Variants in GRM7 observed in about 807,000 individuals in gnomAD.
GRM7 encodes the protein glutamate metabotropic receptor 7, also known as metabotropic glutamate receptor 7.
A neutral mutation model predicts 84.5 loss-of-function variants in GRM7; 35 were observed. That is an observed-to-expected ratio of 0.41 (90% CI 0.32 to 0.55). The LOEUF is 0.55. Ranked by LOEUF, GRM7 falls within the 20% of genes least tolerant of loss-of-function variation. GRM7 has a pLI of 0.19. For synonymous variants in GRM7, 487 were observed against 455.1 expected, an observed-to-expected ratio of 1.07 and a Z score of -0.89; for missense variants, 1,003 against 1,194.6, an observed-to-expected ratio of 0.84 and a Z score of 2.36.
At chr3:7,255,314 C>T (rs1698155037) in intron 2 of GRM7, among the ~76,000 whole-genome samples, 1 of 152,180 alleles carries the variant, frequency 6.6e-6, no homozygotes, top group Non-Finnish European at 1.5e-5. Context: ...TTTTAAATCT[C>T]ATCTTGACTA....
chr3:7,487,624 T>G (rs759764323), intron 7 of GRM7, among the ~76,000 whole-genome samples: 18 of 152,334 alleles, frequency 1.2e-4, no homozygotes, highest in Non-Finnish European at 1.9e-4. Context: ...AGTGTAGGCC[T>G]TGTTGCCATT....
intron 8 of GRM7, among the ~76,000 whole-genome samples, chr3:7,675,415 G>A (rs1228302508): frequency 6.6e-6 from 1 of 152,234 alleles, no homozygotes; most frequent in African/African-American, 2.4e-5. Context: ...TGAGCACTAT[G>A]TAACAAGTTT....
At chr3:7,672,809 G>A (rs963453944) in intron 8 of GRM7, among the ~76,000 whole-genome samples, 22 of 151,724 alleles carry the variant, frequency 1.5e-4, no homozygotes, top group African/African-American at 1.7e-4. Flanking sequence ...GGGTTTCACC[G>A]TGGTCTCGAT....
intron 4 of GRM7, among the ~76,000 whole-genome samples, chr3:7,336,946 A>G (rs1374306223): frequency 1.3e-5 from 2 of 152,150 alleles, no homozygotes; most frequent in Non-Finnish European, 2.9e-5. Flanking sequence ...GGTAGAATCA[A>G]TATTGTGAAA....
intron 7 of GRM7, among the ~76,000 whole-genome samples, chr3:7,479,805 T>C (rs1699061903): frequency 6.6e-6 from 1 of 152,164 alleles, no homozygotes; most frequent in African/African-American, 2.4e-5. Flanking sequence ...TTTGTCTGGC[T>C]CTGTAGTTCA....
chr3:6,958,305 A>G (rs1404737908), intron 1 of GRM7, among the ~76,000 whole-genome samples: 5 of 150,728 alleles, frequency 3.3e-5, no homozygotes, highest in Admixed American at 1.3e-4. Flanking sequence ...CATCTGTGCT[A>G]TTTTGTGTTA....
At chr3:7,513,965 AC>A (rs1234126670) in intron 7 of GRM7, among the ~76,000 whole-genome samples, 2 of 152,222 alleles carry the variant, frequency 1.3e-5, no homozygotes, top group African/African-American at 4.8e-5. Context: ...GCAATATTTC[AC>A]TTTAGCAGAG....
At position 7,428,189 on chromosome 3, in the gene GRM7, G is replaced by A. The variant is rs560621624; in HGVS notation, c.1174+13026G>A. 3.0e-4 allele frequency among the ~76,000 whole-genome samples: 46 copies of A among 152,144 alleles called. No individual in the cohort carries two copies. In the South Asian group the frequency reaches 8.7e-3, roughly 29 times the overall value. On this transcript the variant is annotated intron_variant, in intron 5 of 9. Transcript: ENST00000357716. ...TCTAGGCTTTGTGCTTTTTTGAGTT[G>A]GTCCACCAAGGAGTGTGTCTCTGCC...
intron 7 of GRM7, among the ~76,000 whole-genome samples, chr3:7,505,460 C>A (rs1700012112): frequency 6.6e-6 from 1 of 152,228 alleles, no homozygotes; most frequent in Non-Finnish European, 1.5e-5. Flanking sequence ...CTTTGGCTGA[C>A]TGTGGTCTCT....
At chr3:6,929,303 C>A (rs1697416370) in intron 1 of GRM7, among the ~76,000 whole-genome samples, 1 of 152,192 alleles carries the variant, frequency 6.6e-6, no homozygotes, top group Non-Finnish European at 1.5e-5. Flanking sequence ...GACCTCCATG[C>A]CTTCCCAACT....
At chr3:7,408,229 T>A (rs1695765903) in intron 4 of GRM7, among the ~76,000 whole-genome samples, 1 of 152,190 alleles carries the variant, frequency 6.6e-6, no homozygotes, top group African/African-American at 2.4e-5. Flanking sequence ...ATATTCGGAT[T>A]ACATAAATGC....
intron 1 of GRM7, among the ~76,000 whole-genome samples, chr3:6,992,283 T>G (rs909178704): frequency 6.6e-6 from 1 of 152,222 alleles, no homozygotes; most frequent in African/African-American, 2.4e-5. Flanking sequence ...AACCAGCCTG[T>G]GCTTTGATTT....
Position 7,489,910 on chromosome 3 carries a change from A to G in GRM7, c.1515+28188A>G, listed in dbSNP as rs531470941. ...GATTCATTAATTTATGATATTATAT[A>G]CCATATAATATTAAATGGAGCATAA... On this transcript the variant is annotated intron_variant, in intron 7 of 9. Coordinates refer to ENST00000357716, the MANE Select transcript of GRM7 (RefSeq NM_000844.4). Among the ~76,000 whole-genome samples the G allele has an allele frequency of 3.6e-4, 55 of 151,842 alleles. 1 individual carries two copies. The highest frequency in any genetic ancestry group is 1.2e-3 in the African/African-American group (51 of 41,478).
chr3:7,525,736 A>AC (rs1335254735), intron 7 of GRM7, among the ~76,000 whole-genome samples: 3 of 151,840 alleles, frequency 2.0e-5, no homozygotes, highest in Non-Finnish European at 2.9e-5. Context: ...TTCCTTGGTG[A>AC]CTAGTGGTCT....
rs140324213 is a variant in GRM7 at position 7,373,500 on chromosome 3, T to C, written c.1034-41523T>C. Among the ~76,000 whole-genome samples the C allele has an allele frequency of 4.7e-3, 720 of 152,344 alleles. 1 individual carries two copies. The highest frequency in any genetic ancestry group is 7.5e-3 in the Non-Finnish European group (513 of 68,032). On this transcript the variant is annotated intron_variant, in intron 4 of 9. Coordinates refer to ENST00000357716, the MANE Select transcript of GRM7 (RefSeq NM_000844.4). ...TCTTCTCCAGTTAATCTCCAGTTTGTATTAAACTACATTAATAAACGCAGC... is the reference window on the plus strand; with the variant it reads ...TCTTCTCCAGTTAATCTCCAGTTTGCATTAAACTACATTAATAAACGCAGC...
intron 2 of GRM7, among the ~76,000 whole-genome samples, chr3:7,284,632 A>T (rs1476552353): frequency 6.6e-6 from 1 of 152,102 alleles, no homozygotes; most frequent in African/African-American, 2.4e-5. Context: ...TTTGTTTATC[A>T]TGAGGGAGTT....
At chr3:7,414,938 GAAAA>G in intron 4 of GRM7, 81 bp from the exon 5 acceptor site, 1 of 1,027,648 alleles carries the variant, frequency 9.7e-7, no homozygotes, top group Non-Finnish European at 1.4e-6. Flanking sequence ...CTGAAACAAA[GAAAA>G]AAAAAGTCAC....
intron 2 of GRM7, among the ~76,000 whole-genome samples, chr3:7,266,003 T>C (rs1698622769): frequency 6.6e-6 from 1 of 152,134 alleles, no homozygotes; most frequent in South Asian, 2.1e-4. Flanking sequence ...AGGCAGTGTC[T>C]TAATCCCGAT....
chr3:6,866,805 G>C (rs142935375), intron 1 of GRM7, among the ~76,000 whole-genome samples: 5 of 152,176 alleles, frequency 3.3e-5, no homozygotes, highest in African/African-American at 9.7e-5. Context: ...GATGAGGTAC[G>C]TGGCCAGGTC....
Sources: allele counts gnomAD v4.1 joint callset (sites outside exome capture counted in the v4.1 genomes callset), GRCh38; gene constraint gnomAD v4.1.1; transcripts MANE v1.5; gene names NCBI Gene and HGNC (gene_info 2026-07-23, HGNC 2026-07-21).